HERC3: variants seen among roughly 807,000 people sequenced by gnomAD.
HERC3 encodes probable E3 ubiquitin-protein ligase HERC3.
Under a neutral mutation model 129.9 loss-of-function variants are expected in HERC3, and 58 were observed. The ratio of observed to expected loss-of-function variants is 0.45; its 90% CI spans 0.36 to 0.56. The LOEUF (loss-of-function observed/expected upper bound fraction) is 0.56. Among genes scored for constraint, HERC3 ranks in the 20% least tolerant of loss-of-function variants. HERC3 has a pLI of 0.00. For missense variants in HERC3, 835 were observed against 1,244.2 expected (o/e 0.67, Z 4.95); for synonymous variants, 430 against 451.0 (o/e 0.95, Z 0.59).
the HERC3 span, among the ~76,000 whole-genome samples, chr4:88,569,848 G>T: frequency 6.6e-6 from 1 of 152,216 alleles, no homozygotes; most frequent in East Asian, 1.9e-4. Flanking sequence ...TGCTCACATA[G>T]GGCTGCACAT....
At chr4:88,575,085 G>T in the HERC3 span, among the ~76,000 whole-genome samples, 1 of 152,142 alleles carries the variant, frequency 6.6e-6, no homozygotes, top group Non-Finnish European at 1.5e-5. Context: ...TGAGTCTGAG[G>T]TCTCCTTTAT....
At chr4:88,693,363 G>A (rs1303186648) in intron 23 of HERC3, 1 of 961,686 alleles carries the variant, frequency 1.0e-6, no homozygotes, top group Non-Finnish European at 1.2e-6. Flanking sequence ...AATTGATTTT[G>A]CTAATGAATT....
chr4:88,527,717 G>T, the HERC3 span: 1 of 295,920 alleles, frequency 3.4e-6, no homozygotes, highest in Non-Finnish European at 6.7e-6. Flanking sequence ...GCCTTCCTGG[G>T]CTGCATAGGT....
Position 88,595,610 on chromosome 4 carries a change from C to T in HERC3, c.-34C>T, listed in dbSNP as rs1722277871. On this transcript the variant is annotated 5_prime_UTR_variant, in exon 2 of 26. Transcript: ENST00000402738. ...TCTAGTCCAATGCCAAGTGTGTGAC[C>T]TGTGGTGAGTTACTTAATTTTTCTG... 1 of 152,092 alleles carries T rather than the reference C, an allele frequency of 6.6e-6. No individual in the cohort carries two copies. Among genetic ancestry groups the T allele is most frequent in the African/African-American group, 2.4e-5 (1 of 41,404 alleles). The allele number at this position is 152,092 out of a possible 1,614,324, so 9.4% of individuals were successfully genotyped here. A position where few individuals can be genotyped will look rare whatever the true frequency, so the allele number is the denominator to read the frequency against.
intron 2 of HERC3, among the ~76,000 whole-genome samples, chr4:88,602,963 T>C (rs951859992): frequency 2.0e-5 from 3 of 152,218 alleles, no homozygotes; most frequent in African/African-American, 7.2e-5. Context: ...TGAGGGCTTA[T>C]TTTCAAGGTT....
chr4:88,689,099 A>C (rs899564356), intron 23 of HERC3, among the ~76,000 whole-genome samples: 1 of 152,216 alleles, frequency 6.6e-6, no homozygotes, highest in Non-Finnish European at 1.5e-5. Context: ...CTCACTCTGG[A>C]CTTTTATTGG....
chr4:88,655,168 T>C lies in HERC3; in HGVS notation c.778-6T>C. Reference sequence around the variant, plus strand: ...GTGAAGTCCTATGGTGTTTGTTCCTTGTTAGAGTGGAGGTGTGTTTACCTT... The same window carrying C: ...GTGAAGTCCTATGGTGTTTGTTCCTCGTTAGAGTGGAGGTGTGTTTACCTT... On this transcript the variant is annotated splice_polypyrimidine_tract_variant and splice_region_variant and intron_variant, in intron 7 of 25. Transcript: ENST00000402738. 6.2e-7 allele frequency: 1 copy of C among 1,613,654 alleles called. No homozygotes were observed. Among genetic ancestry groups the C allele is most frequent in the Non-Finnish European group, 8.5e-7 (1 of 1,179,656 alleles).
chr4:88,618,351 G>A (rs1249363316), intron 3 of HERC3, among the ~76,000 whole-genome samples: 1 of 152,212 alleles, frequency 6.6e-6, no homozygotes, highest in Non-Finnish European at 1.5e-5. Context: ...TATTTGCAGT[G>A]TAGAGATATT....
At chr4:88,549,790 C>T in the HERC3 span, among the ~76,000 whole-genome samples, 1 of 151,804 alleles carries the variant, frequency 6.6e-6, no homozygotes, top group Non-Finnish European at 1.5e-5. Context: ...CTGCAACCTC[C>T]GCCTCCTAGG....
In HERC3 at chr4:88,652,073, T is replaced by A; in HGVS notation, c.448T>A (p.Leu150Met). ...LQVSCGNWHC[L>M]ALAADGQFFT... ...AGTTTCCTGTGGCAACTGGCATTGC[T>A]TGGCTCTTGCGGCTGGTAAAGTAAC... Residue 150 changes from leucine (L) to methionine (M), a missense_variant, in exon 5 of 26, where the codon TTG (leucine) becomes ATG (methionine). Physicochemically the swap from Leu to Met is conservative, Grantham distance 15 (BLOSUM62 2). Transcript: ENST00000402738. 6.2e-7 allele frequency: 1 copy of A among 1,612,912 alleles called. No individual in the cohort carries two copies. Among genetic ancestry groups the A allele is most frequent in the Non-Finnish European group, 8.5e-7 (1 of 1,178,842 alleles).
intron 8 of HERC3, among the ~76,000 whole-genome samples, chr4:88,655,613 C>T (rs187181765): frequency 6.6e-6 from 1 of 152,278 alleles, no homozygotes; most frequent in East Asian, 1.9e-4. Context: ...CCTGAGTCTA[C>T]CCTGCTTCTC....
the HERC3 span, among the ~76,000 whole-genome samples, chr4:88,566,279 C>T: frequency 2.6e-5 from 4 of 152,200 alleles, no homozygotes; most frequent in South Asian, 8.3e-4. Flanking sequence ...GGGATTACTA[C>T]AAGGCTTGCA....
chr4:88,681,947 A>G (rs1024827963), intron 21 of HERC3, among the ~76,000 whole-genome samples: 2 of 152,194 alleles, frequency 1.3e-5, no homozygotes, highest in Admixed American at 6.5e-5. Flanking sequence ...CCATCAGTCA[A>G]CCTCTCTGCA....
the HERC3 span, among the ~76,000 whole-genome samples, chr4:88,555,859 T>C: frequency 2.0e-5 from 3 of 152,282 alleles, no homozygotes; most frequent in East Asian, 3.9e-4. Flanking sequence ...CTATATGAAA[T>C]TGGTGACCTG....
the HERC3 span, among the ~76,000 whole-genome samples, chr4:88,572,762 T>C: frequency 2.0e-5 from 3 of 151,048 alleles, no homozygotes; most frequent in East Asian, 5.9e-4. Flanking sequence ...CAAGCCAAGA[T>C]TGTACCACTG....
the HERC3 span, among the ~76,000 whole-genome samples, chr4:88,560,025 T>A: frequency 6.6e-6 from 1 of 151,058 alleles, no homozygotes; most frequent in Non-Finnish European, 1.5e-5. Context: ...AATGGTGTAA[T>A]CTTGGCTCAC....
At position 88,680,197 on chromosome 4, in the gene HERC3, C is replaced by T. The variant is rs773754411; in HGVS notation, c.2301C>T (p.Thr767=). The T allele has an allele frequency of 6.2e-7, 1 of 1,610,532 alleles. No homozygotes were observed. The highest frequency in any genetic ancestry group is 8.5e-7 in the Non-Finnish European group (1 of 1,178,522). ...TGAATCCCATCTATGGAATGTTTAC[C>T]TACTATCAAGATTCAAATCTCTTGT... ...ELLNPIYGMF[T]YYQDSNLLWF... Residue 767 remains threonine (T), a synonymous_variant, in exon 20 of 26, where the codon ACC becomes ACT. Coordinates refer to ENST00000402738, the MANE Select transcript of HERC3 (RefSeq NM_014606.3).
intron 10 of HERC3, among the ~76,000 whole-genome samples, chr4:88,660,536 T>A (rs930804355): frequency 6.6e-6 from 1 of 152,194 alleles, no homozygotes; most frequent in Non-Finnish European, 1.5e-5. Flanking sequence ...GCTGACTCAT[T>A]CATTACTGCC....
At chr4:88,654,324 C>G (rs1043455455) in intron 7 of HERC3, among the ~76,000 whole-genome samples, 191 bp downstream of exon 7, 1 of 139,246 alleles carries the variant, frequency 7.2e-6, no homozygotes, top group Non-Finnish European at 1.5e-5. Context: ...CTCTGTTATC[C>G]TCTTTGGTAA....
Sources: allele counts gnomAD v4.1 joint callset (sites outside exome capture counted in the v4.1 genomes callset), GRCh38; gene constraint gnomAD v4.1.1; transcripts MANE v1.5; gene names NCBI Gene and HGNC (gene_info 2026-07-23, HGNC 2026-07-21).